HUWE1: variants seen among roughly 807,000 people sequenced by gnomAD.
The protein encoded by HUWE1 is E3 ubiquitin-protein ligase HUWE1.
Under a neutral mutation model 299.4 loss-of-function variants are expected in HUWE1, and 18 were observed. The observed-to-expected ratio is 0.06, with a 90% confidence interval of 0.04 to 0.09. The LOEUF is 0.09. Among genes scored for constraint, HUWE1 ranks in the 10% least tolerant of loss-of-function variants. The probability of loss-of-function intolerance (pLI) is 1.00; values close to 1 mark genes in which losing one functional copy is unlikely to be tolerated. For missense variants in HUWE1, 1,832 were observed against 3,462.3 expected, an observed-to-expected ratio of 0.53 and a Z score of 11.82; for synonymous variants, 1,317 against 1,286.1, an observed-to-expected ratio of 1.02 and a Z score of -0.51.
chrX:53,627,784 A>C lies in HUWE1; in HGVS notation c.1338T>G (p.Ala446=), dbSNP rs1557019284. ...TAGAAAGTCCACTATGGGATTGAAA[A>C]GCTGCCATATCCAGGTTGGTGATAA... ...VDLITNLDMA[A]FQSHSGLSIF... Residue 446 remains alanine, a synonymous_variant, in exon 16 of 84, where the codon GCT becomes GCG. Transcript: ENST00000262854. The C allele has an allele frequency of 8.3e-7, 1 of 1,202,605 alleles. No homozygotes were observed. The highest frequency in any genetic ancestry group is 2.3e-4 in the Middle Eastern group (1 of 4,331).
Position 53,585,005 on chromosome X carries a change from C to T in HUWE1, c.5001+7G>A. 3 of 1,211,517 alleles carry T rather than the reference C, an allele frequency of 2.5e-6. No individual in the cohort carries two copies. The highest frequency in any genetic ancestry group is 3.4e-6 in the Non-Finnish European group (3 of 895,235). ...GGGTTAGACAAGCTTGGTGAGTGAGCATGTACCTGCACCATTGTAGTGAAT... is the reference window on the plus strand; with the variant it reads ...GGGTTAGACAAGCTTGGTGAGTGAGTATGTACCTGCACCATTGTAGTGAAT... On this transcript the variant is annotated splice_region_variant and intron_variant, in intron 40 of 83. Coordinates refer to ENST00000262854, the MANE Select transcript of HUWE1 (RefSeq NM_031407.7).
At chrX:53,669,837 T>C (rs1452768615) in intron 3 of HUWE1, among the ~76,000 whole-genome samples, 5 of 112,297 alleles carry the variant, frequency 4.5e-5, no homozygotes, top group African/African-American at 1.6e-4. Context: ...AAGCTTAACA[T>C]AGTATAAAAA....
chrX:53,534,757 GATCCCCCATC>G, intron 81 of HUWE1, 60 bp from the exon 82 acceptor site: 2 of 1,053,503 alleles, frequency 1.9e-6, no homozygotes, highest in Non-Finnish European at 2.6e-6. Flanking sequence ...AGAGGTCAGA[GATCCCCCATC>G]TGGCTCCCAT....
chrX:53,566,457 GA>G (rs1231349645), intron 49 of HUWE1, among the ~76,000 whole-genome samples: 5 of 107,699 alleles, frequency 4.6e-5, no homozygotes, highest in South Asian at 4.1e-4. Flanking sequence ...CAAAAATGGG[GA>G]AAAAAAATTA....
chrX:53,609,277 T>C (rs2065314614), intron 23 of HUWE1, among the ~76,000 whole-genome samples: 1 of 112,203 alleles, frequency 8.9e-6, no homozygotes, highest in African/African-American at 3.2e-5. Flanking sequence ...GAAGCTATCC[T>C]ATCTTTGGCA....
At chrX:53,604,447 A>C (rs2065052870) in intron 26 of HUWE1, 142 bp downstream of exon 26, 5 of 665,542 alleles carry the variant, frequency 7.5e-6, no homozygotes, top group Non-Finnish European at 4.6e-6. Flanking sequence ...GACAGTCAAA[A>C]AAATCTCATC....
At chrX:53,624,251 C>T (rs1557014922) in intron 19 of HUWE1, among the ~76,000 whole-genome samples, 1 of 110,541 alleles carries the variant, frequency 9.0e-6, no homozygotes, top group African/African-American at 3.3e-5. Context: ...TCCCAAAGTG[C>T]TGGGATTACA....
rs1414209272 is a variant in HUWE1, at chrX:53,534,151, C to T, written c.12878G>A (p.Arg4293His). 17 of 1,208,427 alleles carry T rather than the reference C, an allele frequency of 1.4e-5. No homozygotes were observed. Among genetic ancestry groups the T allele is most frequent in the Admixed American group, 2.2e-5 (1 of 45,577 alleles). ...TGTGACAAACTGGAGGAACTTGGCA[C>T]GGTCAGCTTGATCGAAAGAACGCAA... is the stretch of plus-strand genomic sequence containing the variant. ...RALRSFDQAD[R>H]AKFLQFVTGT... Residue 4293 changes from arginine to histidine, a missense_variant, in exon 83 of 84, where the codon CGT becomes CAT. Arg to His is a conservative substitution (Grantham distance 29). Transcript: ENST00000262854.
chrX:53,554,786 C>T lies in HUWE1; in HGVS notation c.8341G>A (p.Gly2781Arg). Residue 2781 changes from glycine to arginine, a missense_variant, in exon 61 of 84, where the codon GGA (glycine) becomes AGA (arginine). Gly to Arg is a moderately radical substitution (Grantham distance 125). Transcript: ENST00000262854. ...GACTGCAGCTCCTGAGGAACCTCTC[C>T]CAAAGCTGGTGGGGTTGGGAGTGTT... The part of the protein sequence containing the change: ...QPTLPTPPAL[G>R]EVPQELQSPA... 1 of 1,211,499 alleles carries T rather than the reference C, an allele frequency of 8.3e-7. No homozygotes were observed. Among genetic ancestry groups the T allele is most frequent in the Non-Finnish European group, 1.1e-6 (1 of 895,460 alleles).
At chrX:53,570,662 T>C (rs1279888641) in intron 47 of HUWE1, among the ~76,000 whole-genome samples, 1 of 112,538 alleles carries the variant, frequency 8.9e-6, no homozygotes, top group African/African-American at 3.2e-5. Flanking sequence ...CAGACTCTTC[T>C]TTTTTCTCTA....
At chrX:53,565,353 G>A (rs1273752575) in intron 49 of HUWE1, 114 bp from the exon 50 acceptor site, 2 of 687,113 alleles carry the variant, frequency 2.9e-6, no homozygotes, top group African/African-American at 2.2e-5. Flanking sequence ...GGGGCATAAG[G>A]TCGTACAACT....
At chrX:53,534,753 C>T (rs1556910402) in intron 81 of HUWE1, 56 bp from the exon 82 acceptor site, 2 of 1,063,724 alleles carry the variant, frequency 1.9e-6, no homozygotes, top group Non-Finnish European at 1.3e-6. Flanking sequence ...CCGTAGAGGT[C>T]AGAGATCCCC....
chrX:53,588,321 G>T (rs782246356), intron 37 of HUWE1, 61 bp downstream of exon 37: 20 of 1,117,393 alleles, frequency 1.8e-5, no homozygotes, highest in African/African-American at 1.4e-4. Flanking sequence ...CCTCATATAT[G>T]TTAAGTGTTT....
In HUWE1 at chrX:53,607,628, T is replaced by G; in HGVS notation, c.2391A>C (p.Lys797Asn). 1 of 1,208,825 alleles carries G rather than the reference T, an allele frequency of 8.3e-7. No individual in the cohort carries two copies. The highest frequency in any genetic ancestry group is 1.1e-6 in the Non-Finnish European group (1 of 892,686). ...AAATGGTAACCAAAGGCAACAGTCC[T>G]TTCTGATTCACAAATTCCTGGCAGT... The part of the protein sequence containing the change: ...DDHCQEFVNQ[K>N]GLLPLVTILG... Residue 797 changes from lysine to asparagine, a missense_variant, in exon 25 of 84, where the codon AAA (lysine) becomes AAC (asparagine). This residue lies in a region of HUWE1 where 658 missense variants were observed against 1,282.6 expected (regional missense o/e 0.51). Transcript: ENST00000262854.
Position 53,558,708 on chromosome X carries a change from T to C in HUWE1, c.8107A>G (p.Lys2703Glu), listed in dbSNP as rs1556937536. ...TCTTCTTTGCCTTTATCAGTTATCT[T>C]TGTTTCTTCCTCAGCCAGTTGTTTC... ...RRKQLAEEETKITDKGKEDKE... is the reference protein window; with the variant it reads ...RRKQLAEEETEITDKGKEDKE... Residue 2703 changes from lysine to glutamate, a missense_variant, in exon 59 of 84, where the codon AAG becomes GAG. By Grantham distance (56) the Lys-to-Glu change is moderately conservative (BLOSUM62 1). Coordinates refer to ENST00000262854, the MANE Select transcript of HUWE1 (RefSeq NM_031407.7). The C allele has an allele frequency of 8.3e-7, 1 of 1,210,722 alleles. No homozygotes were observed. Among genetic ancestry groups the C allele is most frequent in the Non-Finnish European group, 1.1e-6 (1 of 894,507 alleles).
Position 53,548,904 on chromosome X carries a change from A to C in HUWE1, c.10035+55T>G. ...CCTGCTTAGTGTTCAACTTTCACCC[A>C]GGCTCTTGCTGCCACCCTTCTTCCA... On this transcript the variant is annotated intron_variant, in intron 67 of 83. Transcript: ENST00000262854. 5.7e-6 allele frequency: 6 copies of C among 1,051,479 alleles called. No homozygotes were observed. The South Asian group carries it at 1.2e-4, about 21-fold the overall frequency. The allele number at this position is 1,051,479 out of a possible 1,213,427, so 86.7% of individuals were successfully genotyped here.
intron 3 of HUWE1, among the ~76,000 whole-genome samples, chrX:53,667,069 A>G (rs1483198993): frequency 1.8e-5 from 2 of 112,338 alleles, no homozygotes; most frequent in East Asian, 2.8e-4. Flanking sequence ...GAAAATAAGG[A>G]AAAAAATCAG....
chrX:53,602,762 C>A (rs886251751), intron 27 of HUWE1, 104 bp from the exon 28 acceptor site: 1 of 463,532 alleles, frequency 2.2e-6, no homozygotes, highest in Non-Finnish European at 3.7e-6. Context: ...CTGACACTAT[C>A]CCTCCTATAG....
chrX:53,675,382 A>AT (rs1491534469), intron 3 of HUWE1, among the ~76,000 whole-genome samples: 3 of 112,028 alleles, frequency 2.7e-5, no homozygotes, highest in African/African-American at 9.7e-5. Flanking sequence ...GCTTTCTCAC[A>AT]TATCAGCAGT....
Sources: gnomAD v4.1 joint callset for allele counts (sites outside exome capture counted in the v4.1 genomes callset) on GRCh38, gnomAD v4.1.1 for gene constraint, gnomAD v4.1.1 regional missense constraint, MANE v1.5 for transcripts, NCBI Gene and HGNC (gene_info 2026-07-23, HGNC 2026-07-21) for gene names.